SDK1: variants seen among roughly 807,000 people sequenced by gnomAD.
SDK1 encodes the protein sidekick cell adhesion molecule 1.
In SDK1, 157 loss-of-function variants were observed where a neutral mutation model predicts 245.5. The ratio of observed to expected loss-of-function variants is 0.64; its 90% CI spans 0.56 to 0.73. The LOEUF is 0.73. Ranked by LOEUF, SDK1 falls within the 30% of genes least tolerant of loss-of-function variation. The pLI is 0.00. For missense variants in SDK1, 3,583 were observed against 3,002.3 expected, an observed-to-expected ratio of 1.19 and a Z score of -4.52; for synonymous variants, 1,647 against 1,278.5, an observed-to-expected ratio of 1.29 and a Z score of -6.15.
At position 4,016,230 on chromosome 7, in the gene SDK1, C is replaced by T. The variant is rs73298950; in HGVS notation, c.2421-941C>T. On this transcript the variant is annotated intron_variant, in intron 16 of 44. Transcript: ENST00000404826. ...GAAGATTTCCACATGCCGTGAAAAGCCAGCGGATTTGCTGCCACTCAAGTG... is the reference window on the plus strand; with the variant it reads ...GAAGATTTCCACATGCCGTGAAAAGTCAGCGGATTTGCTGCCACTCAAGTG... Among the ~76,000 whole-genome samples, 1,231 of 152,354 alleles carry T rather than the reference C, an allele frequency of 8.1e-3. 16 individuals are homozygous for T. The highest frequency in any genetic ancestry group is 0.028 in the African/African-American group (1,169 of 41,586).
chr7:3,372,570 G>C (rs932541700), intron 1 of SDK1, among the ~76,000 whole-genome samples: 3 of 152,176 alleles, frequency 2.0e-5, no homozygotes, highest in Non-Finnish European at 1.5e-5. Flanking sequence ...GCGGAAGAGG[G>C]CAAGACCCTG....
At chr7:3,658,063 G>A (rs914439735) in intron 4 of SDK1, among the ~76,000 whole-genome samples, 1 of 152,168 alleles carries the variant, frequency 6.6e-6, no homozygotes, top group Non-Finnish European at 1.5e-5. Flanking sequence ...GCAAGTGCCC[G>A]ACTTCGGTGG....
intron 7 of SDK1, among the ~76,000 whole-genome samples, chr7:3,952,988 C>T (rs564362840): frequency 2.4e-4 from 37 of 152,066 alleles, no homozygotes; most frequent in Non-Finnish European, 4.9e-4. Context: ...AGCCTGTGTT[C>T]CGCAGTGGTA....
intron 1 of SDK1, among the ~76,000 whole-genome samples, chr7:3,354,874 A>G (rs1780751479): frequency 6.6e-6 from 1 of 152,358 alleles, no homozygotes; most frequent in African/African-American, 2.4e-5. Context: ...TACGTACTTG[A>G]TCACGTTAAA....
At chr7:4,193,242 A>AAG (rs1783330888) in intron 35 of SDK1, among the ~76,000 whole-genome samples, 2 of 132,172 alleles carry the variant, frequency 1.5e-5, no homozygotes, top group South Asian at 4.5e-4. Context: ...GTATAAATAT[A>AAG]CAATATATTG....
chr7:3,789,803 G>A (rs898440101), intron 4 of SDK1, among the ~76,000 whole-genome samples: 2 of 152,106 alleles, frequency 1.3e-5, no homozygotes, highest in African/African-American at 4.8e-5. Context: ...AGGATAGAAA[G>A]CACTTGGAGA....
intron 20 of SDK1, among the ~76,000 whole-genome samples, chr7:4,072,139 C>G (rs1309878217): frequency 1.3e-5 from 2 of 152,182 alleles, no homozygotes; most frequent in Admixed American, 1.3e-4. Flanking sequence ...AAACAAATAC[C>G]TGTAGTTAAA....
intron 1 of SDK1, among the ~76,000 whole-genome samples, chr7:3,533,522 C>G (rs1337405958): frequency 6.6e-6 from 1 of 152,150 alleles, no homozygotes; most frequent in African/African-American, 2.4e-5. Flanking sequence ...TTTTTATCAA[C>G]CGAATATATT....
At chr7:3,591,977 C>T (rs1221007072) in intron 1 of SDK1, among the ~76,000 whole-genome samples, 1 of 152,162 alleles carries the variant, frequency 6.6e-6, no homozygotes, top group Non-Finnish European at 1.5e-5. Context: ...AGATGACAAA[C>T]AAGGCTACAG....
At chr7:3,878,835 A>G (rs1218187234) in intron 5 of SDK1, among the ~76,000 whole-genome samples, 1 of 152,158 alleles carries the variant, frequency 6.6e-6, no homozygotes, top group African/African-American at 2.4e-5. Flanking sequence ...TGTGACATTT[A>G]AAATTCTTTT....
At chr7:3,414,792 T>G (rs1043926484) in intron 1 of SDK1, among the ~76,000 whole-genome samples, 1 of 152,188 alleles carries the variant, frequency 6.6e-6, no homozygotes, top group Non-Finnish European at 1.5e-5. Context: ...ACTTGCTGTA[T>G]TCTGGACATT....
intron 1 of SDK1, among the ~76,000 whole-genome samples, chr7:3,354,027 C>T (rs1250136277): frequency 1.3e-5 from 2 of 149,728 alleles, no homozygotes; most frequent in Admixed American, 6.7e-5. Flanking sequence ...GACTCTCGCT[C>T]TGTTGCCCAG....
chr7:3,556,911 T>C (rs958581495), intron 1 of SDK1, among the ~76,000 whole-genome samples: 1 of 152,172 alleles, frequency 6.6e-6, no homozygotes. Context: ...GATGTGATTA[T>C]TACACATTGT....
chr7:4,258,207 C>G (rs979702284), intron 44 of SDK1, among the ~76,000 whole-genome samples: 4 of 152,216 alleles, frequency 2.6e-5, no homozygotes, highest in African/African-American at 9.6e-5. Context: ...ATGTGCTACA[C>G]TCATTCTCTA....
chr7:3,582,300 T>C (rs1486265288), intron 1 of SDK1, among the ~76,000 whole-genome samples: 3 of 145,188 alleles, frequency 2.1e-5, no homozygotes, highest in Non-Finnish European at 3.0e-5. Context: ...CTCAGGTAGG[T>C]CTCCCTCAGG....
At chr7:3,482,268 C>G (rs73307985) in intron 1 of SDK1, among the ~76,000 whole-genome samples, 2,781 of 152,184 alleles carry the variant, frequency 0.018, 98 homozygotes, top group African/African-American at 0.063. Flanking sequence ...TCTGACCAGG[C>G]AAGAGAAGAC....
At chr7:4,072,786 C>T (rs765215029) in intron 20 of SDK1, among the ~76,000 whole-genome samples, 1 of 152,210 alleles carries the variant, frequency 6.6e-6, no homozygotes, top group African/African-American at 2.4e-5. Context: ...CTTTACGGGC[C>T]AGAGGCGCTG....
intron 5 of SDK1, among the ~76,000 whole-genome samples, chr7:3,934,085 C>G (rs1318789685): frequency 6.6e-6 from 1 of 152,206 alleles, no homozygotes; most frequent in Non-Finnish European, 1.5e-5. Context: ...GGTGAATTTA[C>G]CTTCTGCCTG....
intron 4 of SDK1, among the ~76,000 whole-genome samples, chr7:3,761,017 A>C (rs762157109): frequency 2.6e-4 from 40 of 152,240 alleles, no homozygotes; most frequent in Admixed American, 2.1e-3. Context: ...CCTACATGTA[A>C]TTTTTTGGGA....
Sources: gnomAD v4.1 joint callset for allele counts (sites outside exome capture counted in the v4.1 genomes callset) on GRCh38, gnomAD v4.1.1 for gene constraint, MANE v1.5 for transcripts, NCBI Gene and HGNC (gene_info 2026-07-23, HGNC 2026-07-21) for gene names.